Variants in CDCP2 observed in about 807,000 individuals in gnomAD.
CDCP2 encodes CUB domain-containing protein 2.
Under a neutral mutation model 31.0 loss-of-function variants are expected in CDCP2, and 31 were observed. The observed-to-expected ratio is 1.00, with a 90% CI of 0.75 to 1.35. The LOEUF (loss-of-function observed/expected upper bound fraction) is 1.35, where lower values mean the gene tolerates loss of function less well. Among genes scored for constraint, CDCP2 ranks in the 40% most tolerant of loss-of-function variants. The probability of loss-of-function intolerance (pLI) is 0.00; values close to 1 mark genes in which losing one functional copy is unlikely to be tolerated. For synonymous variants in CDCP2, 206 were observed against 207.9 expected (o/e 0.99, Z 0.08); for missense variants, 443 against 482.6 (o/e 0.92, Z 0.77).
exon 6 of CDCP2, chr1:54,133,246 A>T: frequency 2.5e-6 from 1 of 399,122 alleles, no homozygotes; most frequent in Non-Finnish European, 4.4e-6. Flanking sequence ...CCCGCGGCTG[A>T]GAAGTCGATG....
chr1:54,140,150 G>C, intron 3 of CDCP2, 44 bp from the exon 4 acceptor site: 2 of 1,573,636 alleles, frequency 1.3e-6, no homozygotes, highest in East Asian at 4.5e-5. Flanking sequence ...AGTGAGGGGA[G>C]AGGAGAAGTC....
At chr1:54,140,490 T>C in intron 3 of CDCP2, 1 of 343,418 alleles carries the variant, frequency 2.9e-6, no homozygotes, top group South Asian at 2.5e-5. Context: ...CCATTTGGTA[T>C]GTACTATGAG....
intron 1 of CDCP2, among the ~76,000 whole-genome samples, chr1:54,145,983 A>G (rs1407057257): frequency 6.7e-6 from 1 of 149,418 alleles, no homozygotes; most frequent in African/African-American, 2.6e-5. Flanking sequence ...GAAAGACAGT[A>G]TTTTGACCAC....
exon 4 of CDCP2, chr1:54,140,093 C>T: frequency 6.2e-7 from 1 of 1,613,226 alleles, no homozygotes; most frequent in Non-Finnish European, 8.5e-7. Flanking sequence ...CCATGTATAC[C>T]TCCTGGCATT....
At chr1:54,135,724 T>C (rs960857057) in intron 5 of CDCP2, among the ~76,000 whole-genome samples, 4 of 152,160 alleles carry the variant, frequency 2.6e-5, no homozygotes, top group Admixed American at 6.5e-5. Context: ...CCCCCTACCC[T>C]CCTTCTCTTC....
rs200942058 is a variant in CDCP2, at chr1:54,144,632, A to C, written c.261T>G (p.Phe87Leu). Residue 87 changes from phenylalanine (F) to leucine (L), a missense_variant, in exon 2 of 6, where the codon TTT (phenylalanine) becomes TTG (leucine). Physicochemically the swap from Phe to Leu is conservative, Grantham distance 22 (BLOSUM62 0). Transcript: ENST00000530059. ...GTGAGGCCCCATTGTAGATCTCCAG[A>C]AAGTCGAAGCTGCAGGTGTCGTGGT... 10 of 1,612,754 alleles carry C rather than the reference A, an allele frequency of 6.2e-6. No individual in the cohort carries two copies. Among genetic ancestry groups the C allele is most frequent in the African/African-American group, 1.3e-5 (1 of 74,396 alleles).
Position 54,140,109 on chromosome 1 carries a change from G to C in CDCP2, c.764-3C>G, listed in dbSNP as rs757467936. 26 of 1,612,314 alleles carry C rather than the reference G, an allele frequency of 1.6e-5. No homozygotes were observed. Among genetic ancestry groups the C allele is most frequent in the Non-Finnish European group, 2.1e-5 (25 of 1,179,250 alleles). On this transcript the variant is annotated splice_region_variant and splice_polypyrimidine_tract_variant and intron_variant, in intron 3 of 5. Transcript: ENST00000530059. ...CATGTATACCTCCTGGCATTCTCCTGGATGGGGGATGGGGAGGTGGAAGGA... is the reference window on the plus strand; with the variant it reads ...CATGTATACCTCCTGGCATTCTCCTCGATGGGGGATGGGGAGGTGGAAGGA...
chr1:54,136,658 C>T (rs577019899), exon 5 of CDCP2: 10 of 399,164 alleles, frequency 2.5e-5, no homozygotes, highest in African/African-American at 1.0e-4. Flanking sequence ...GGTATCAAAG[C>T]GGGCCTGGAT....
chr1:54,135,371 G>A (rs1659241627), intron 5 of CDCP2, among the ~76,000 whole-genome samples: 1 of 152,164 alleles, frequency 6.6e-6, no homozygotes, highest in African/African-American at 2.4e-5. Context: ...ATCTTCCAAA[G>A]CAACTCTATG....
intron 2 of CDCP2, chr1:54,142,791 G>A (rs1407063163): frequency 2.6e-5 from 4 of 152,306 alleles, no homozygotes; most frequent in African/African-American, 7.2e-5. Context: ...AACAACCTTC[G>A]CGGAGACTTC....
chr1:54,152,780 C>A, intron 1 of CDCP2, 64 bp downstream of exon 1: 3 of 1,472,712 alleles, frequency 2.0e-6, no homozygotes, highest in Non-Finnish European at 1.9e-6. Flanking sequence ...ACTTCTTGAG[C>A]CCCTGGCTGT....
At chr1:54,139,645 T>TGGG (rs3841798) in intron 4 of CDCP2, 108 bp downstream of exon 4, 20,466 of 1,525,900 alleles carry the variant, frequency 0.013, 198 homozygotes, top group South Asian at 0.098. Context: ...AGACCATTCA[T>TGGG]GGGGGGGGCA....
chr1:54,140,992 C>G, intron 3 of CDCP2, 106 bp downstream of exon 3: 1 of 965,470 alleles, frequency 1.0e-6, no homozygotes. Flanking sequence ...GTGCAGAAAG[C>G]TCAAGGCTGC....
Position 54,144,846 on chromosome 1 carries a change from G to C in CDCP2, c.80-33C>G, listed in dbSNP as rs11581374. 4 of 1,531,488 alleles carry C rather than the reference G, an allele frequency of 2.6e-6. No individual in the cohort carries two copies. The South Asian group carries it at 4.9e-5, about 19-fold the overall frequency. 94.9% of individuals were successfully genotyped at this position (1,531,488 alleles called of 1,614,324 possible). On this transcript the variant is annotated intron_variant, in intron 1 of 5. Coordinates refer to ENST00000530059, the Ensembl canonical transcript of CDCP2. ...AAGAGAGAAGTATGGCTGAGACTCC[G>C]TGCTGGGGTCTTGGGTACATGTGGT...
At chr1:54,136,047 C>T (rs1659254394) in intron 5 of CDCP2, among the ~76,000 whole-genome samples, 1 of 152,108 alleles carries the variant, frequency 6.6e-6, no homozygotes, top group South Asian at 2.1e-4. Context: ...CTCCAAAATA[C>T]AAGGATAGTA....
At chr1:54,152,637 G>A (rs1659603122) in intron 1 of CDCP2, among the ~76,000 whole-genome samples, 1 of 152,182 alleles carries the variant, frequency 6.6e-6, no homozygotes, top group African/African-American at 2.4e-5. Flanking sequence ...CAGATTAAAT[G>A]CAACCTACAT....
At chr1:54,147,355 T>TTTATA (rs1020728889) in intron 1 of CDCP2, among the ~76,000 whole-genome samples, 3 of 151,832 alleles carry the variant, frequency 2.0e-5, no homozygotes, top group African/African-American at 7.3e-5. Flanking sequence ...CTTTCCTATA[T>TTTATA]GGACTGTATT....
chr1:54,142,163 G>T (rs1353324014), intron 2 of CDCP2: 1 of 152,272 alleles, frequency 6.6e-6, no homozygotes, highest in East Asian at 1.9e-4. Context: ...TATGGATCCT[G>T]TGCACTTGAC....
At chr1:54,136,422 C>G (rs989754742) in intron 5 of CDCP2, among the ~76,000 whole-genome samples, 1 of 152,164 alleles carries the variant, frequency 6.6e-6, no homozygotes, top group Non-Finnish European at 1.5e-5. Context: ...AGAGGGACAC[C>G]CTCTCCTCTG....
Sources: gnomAD v4.1 joint callset for allele counts (sites outside exome capture counted in the v4.1 genomes callset) on GRCh38, gnomAD v4.1.1 for gene constraint, MANE v1.5 for transcripts, NCBI Gene and HGNC (gene_info 2026-07-23, HGNC 2026-07-21) for gene names.